The following SRSF3 variants were observed in gnomAD, a reference collection of about 807,000 sequenced individuals.
SRSF3 encodes the protein serine/arginine-rich splicing factor 3.
For synonymous variants in SRSF3, 87 were observed against 73.6 expected, an observed-to-expected ratio of 1.18 and a Z score of -0.93; for missense variants, 58 against 217.1, an observed-to-expected ratio of 0.27 and a Z score of 4.61.
chr6:36,596,243 T>G (rs974962128), intron 1 of SRSF3, among the ~76,000 whole-genome samples: 18 of 152,136 alleles, frequency 1.2e-4, no homozygotes, highest in African/African-American at 4.3e-4. Context: ...TTTTTAAAAG[T>G]GAAAATCGTT....
chr6:36,598,765 A>G, intron 2 of SRSF3, 84 bp from the exon 3 acceptor site: 4 of 1,495,166 alleles, frequency 2.7e-6, no homozygotes, highest in Non-Finnish European at 3.6e-6. Context: ...TTCTTTGCAG[A>G]ATAGCCAACT....
intron 3 of SRSF3, 147 bp from the exon 4 acceptor site, chr6:36,601,001 CTTTT>C (rs775227806): frequency 7.4e-4 from 64 of 86,448 alleles, no homozygotes; most frequent in Admixed American, 1.7e-3. Flanking sequence ...TCTTTTTTTT[CTTTT>C]TTTTTTTTTT....
chr6:36,599,885 A>G, intron 3 of SRSF3: 1 of 1,352,118 alleles, frequency 7.4e-7, no homozygotes, highest in Non-Finnish European at 9.8e-7. Flanking sequence ...TAGCCCTTTC[A>G]GCGTCATGTG....
chr6:36,595,714 T>C (rs1420042112), intron 1 of SRSF3, among the ~76,000 whole-genome samples: 3 of 152,254 alleles, frequency 2.0e-5, no homozygotes, highest in African/African-American at 7.2e-5. Flanking sequence ...ATTTTGCTTA[T>C]CCGTTTCTGT....
Position 36,601,001 on chromosome 6 carries a change from C to CTTTTTTTTTTTTTTTTT in SRSF3, c.342-142_342-126dup, listed in dbSNP as rs775227806. 231 of 86,470 alleles carry CTTTTTTTTTTTTTTTTT rather than the reference C, an allele frequency of 2.7e-3. 48 individuals carry two copies. The highest frequency in any genetic ancestry group is 3.7e-3 in the African/African-American group (52 of 13,906). 5.4% of individuals were successfully genotyped at this position (86,470 alleles called of 1,614,324 possible). A position where few individuals can be genotyped will look rare whatever the true frequency, so the allele number is the denominator to read the frequency against. The stretch of plus-strand genomic sequence containing the variant: ...GCCTTTTTTTTCTTTTCTTTTTTTT[C>CTTTTTTTTTTTTTTTTT]TTTTTTTTTTTTTTTTTTTTTTTTT... On this transcript the variant is annotated intron_variant, in intron 3 of 5. Coordinates refer to ENST00000373715, the MANE Select transcript of SRSF3 (RefSeq NM_003017.5).
At chr6:36,598,660 G>A in intron 2 of SRSF3, 189 bp from the exon 3 acceptor site, 1 of 612,676 alleles carries the variant, frequency 1.6e-6, no homozygotes, top group Non-Finnish European at 2.8e-6. Flanking sequence ...GGGATTACAG[G>A]CGTGTACCAC....
chr6:36,604,485 A>T lies in SRSF3; in HGVS notation c.*2496A>T, dbSNP rs1367543259. On this transcript the variant is annotated 3_prime_UTR_variant, in exon 6 of 6. Transcript: ENST00000373715. Reference sequence around the variant, plus strand: ...TAGTTTGATCTCTGGTTCACAGTTCATTGTGGGTTGCTTCTGACCTCCATG... The same window carrying T: ...TAGTTTGATCTCTGGTTCACAGTTCTTTGTGGGTTGCTTCTGACCTCCATG... The T allele has an allele frequency of 5.5e-6, 1 of 180,760 alleles. No individual in the cohort carries two copies. The highest frequency in any genetic ancestry group is 1.2e-5 in the Non-Finnish European group (1 of 84,694). 11.2% of individuals were successfully genotyped at this position (180,760 alleles called of 1,614,324 possible).
At position 36,602,907 on chromosome 6, in the gene SRSF3, A is replaced by G. The variant is rs1310956772; in HGVS notation, c.*918A>G. On this transcript the variant is annotated 3_prime_UTR_variant, in exon 6 of 6. Transcript: ENST00000373715. ...TAAAGTGCTTTTGAATTAATAAAATATTAGCATAATTGTGTATAGTCAGTT... is the reference window on the plus strand; with the variant it reads ...TAAAGTGCTTTTGAATTAATAAAATGTTAGCATAATTGTGTATAGTCAGTT... The G allele has an allele frequency of 1.9e-5, 4 of 211,324 alleles. No homozygotes were observed. The highest frequency in any genetic ancestry group is 1.9e-4 in the South Asian group (1 of 5,350). 13.1% of individuals were successfully genotyped at this position (211,324 alleles called of 1,614,324 possible).
Position 36,598,992 on chromosome 6 carries a change from G to T in SRSF3, c.341+9G>T. On this transcript the variant is annotated intron_variant, in intron 3 of 5. Transcript: ENST00000373715. Reference sequence around the variant, plus strand: ...CCTCCACCTCGTCGCAGGTACTTGAGAGAAAGCTTGTTAAGAGGTATTGGT... The same window carrying T: ...CCTCCACCTCGTCGCAGGTACTTGATAGAAAGCTTGTTAAGAGGTATTGGT... 1 of 1,613,942 alleles carries T rather than the reference G, an allele frequency of 6.2e-7. No homozygotes were observed. The highest frequency in any genetic ancestry group is 1.1e-5 in the South Asian group (1 of 91,062).
chr6:36,600,133 AAAG>A, intron 3 of SRSF3: 3 of 1,069,066 alleles, frequency 2.8e-6, no homozygotes, highest in Non-Finnish European at 3.4e-6. Context: ...GGCTAACAAA[AAAG>A]CAGGAAAAAT....
intron 1 of SRSF3, among the ~76,000 whole-genome samples, chr6:36,596,500 C>A (rs987315465): frequency 7.0e-6 from 1 of 143,792 alleles, no homozygotes; most frequent in African/African-American, 2.6e-5. Flanking sequence ...CTCAACGTTC[C>A]AAGGAAGCTG....
intron 1 of SRSF3, among the ~76,000 whole-genome samples, chr6:36,595,324 A>G (rs1271285651): frequency 2.0e-5 from 3 of 152,250 alleles, no homozygotes; most frequent in East Asian, 1.9e-4. Context: ...CCCAAAGTGC[A>G]GTAAATTTTT....
intron 1 of SRSF3, among the ~76,000 whole-genome samples, chr6:36,594,960 C>T (rs1362063231): frequency 1.3e-5 from 2 of 152,204 alleles, no homozygotes; most frequent in Admixed American, 6.5e-5. Context: ...ACCGAAAGAT[C>T]TTCCTTGAAC....
rs778276944 is a variant in SRSF3, at chr6:36,601,940, C to CTTTTTT, written c.468-8_468-3dup. 448 of 1,432,498 alleles carry CTTTTTT rather than the reference C, an allele frequency of 3.1e-4. 3 individuals are homozygous for CTTTTTT. Among genetic ancestry groups the CTTTTTT allele is most frequent in the African/African-American group, 2.5e-3 (150 of 59,204 alleles). 88.7% of individuals were successfully genotyped at this position (1,432,498 alleles called of 1,614,324 possible). A position where few individuals can be genotyped will look rare whatever the true frequency, so the allele number is the denominator to read the frequency against. On this transcript the variant is annotated intron_variant, in intron 5 of 5. Transcript: ENST00000373715. ...AGTTACAGATGTAATGTTTTGTTTT[C>CTTTTTT]TTTTTTTTTTTTTTTTTTTAGTCGA... is the stretch of plus-strand genomic sequence containing the variant.
intron 5 of SRSF3, 54 bp from the exon 6 acceptor site, chr6:36,601,908 G>C: frequency 6.3e-7 from 1 of 1,576,932 alleles, no homozygotes; most frequent in South Asian, 1.2e-5. Context: ...TCACTAAAGT[G>C]TCACCAAGTT....
rs1370965989 is a variant in SRSF3, at chr6:36,594,478, C to T, written c.-6C>T. On this transcript the variant is annotated 5_prime_UTR_variant, in exon 1 of 6. Transcript: ENST00000373715. ...GCCGCCGCATTTTTTAACCCTAGATCTCGGTAAGAGACCAGCGAAAGAGGG... is the reference window on the plus strand; with the variant it reads ...GCCGCCGCATTTTTTAACCCTAGATTTCGGTAAGAGACCAGCGAAAGAGGG... 6.6e-6 allele frequency: 1 copy of T among 152,420 alleles called. No homozygotes were observed. Among genetic ancestry groups the T allele is most frequent in the Non-Finnish European group, 1.5e-5 (1 of 68,080 alleles). The allele number at this position is 152,420 out of a possible 1,614,324, so 9.4% of individuals were successfully genotyped here.
intron 1 of SRSF3, among the ~76,000 whole-genome samples, 182 bp from the exon 2 acceptor site, chr6:36,596,579 G>A (rs1042030090): frequency 7.0e-6 from 1 of 143,260 alleles, no homozygotes; most frequent in Admixed American, 6.9e-5. Flanking sequence ...GGTGGCGGGG[G>A]GGGGGAAATG....
intron 1 of SRSF3, among the ~76,000 whole-genome samples, chr6:36,596,150 C>T (rs9470343): frequency 0.024 from 3,689 of 152,212 alleles, 140 homozygotes; most frequent in African/African-American, 0.078. Flanking sequence ...GGTCGAACTC[C>T]TGACCTCGTG....
chr6:36,601,097 TCA>T (rs1778708481), intron 3 of SRSF3, 53 bp from the exon 4 acceptor site: 3 of 1,417,398 alleles, frequency 2.1e-6, no homozygotes, highest in Non-Finnish European at 2.8e-6. Flanking sequence ...GGGAAATGCC[TCA>T]CGCCATAAAT....
Sources: allele counts gnomAD v4.1 joint callset (sites outside exome capture counted in the v4.1 genomes callset), GRCh38; gene constraint gnomAD v4.1.1; transcripts MANE v1.5; gene names NCBI Gene and HGNC (gene_info 2026-07-23, HGNC 2026-07-21).